LIN7A: variants seen among roughly 807,000 people sequenced by gnomAD.
LIN7A encodes the protein protein lin-7 homolog A.
In LIN7A, 25 loss-of-function variants were observed where a neutral mutation model predicts 29.8. The observed-to-expected ratio is 0.84, with a 90% CI of 0.61 to 1.17. The LOEUF (loss-of-function observed/expected upper bound fraction) is 1.17. Ranked by LOEUF, LIN7A falls within the 50% of genes most tolerant of loss-of-function variation. LIN7A has a pLI of 0.00. For synonymous variants in LIN7A, 118 were observed against 107.5 expected (o/e 1.10, Z -0.60); for missense variants, 239 against 287.0 (o/e 0.83, Z 1.21).
intron 2 of LIN7A, among the ~76,000 whole-genome samples, chr12:80,851,390 T>A (rs1308324083): frequency 6.6e-6 from 1 of 151,838 alleles, no homozygotes; most frequent in Non-Finnish European, 1.5e-5. Context: ...CACAATAGAT[T>A]CTGATTAGCT....
chr12:80,937,470 G>C, intron 1 of LIN7A, 171 bp downstream of exon 1: 1 of 421,232 alleles, frequency 2.4e-6, no homozygotes, highest in Admixed American at 4.4e-5. Flanking sequence ...GTAGCGGGGA[G>C]AGAAAGGGGA....
intron 1 of LIN7A, among the ~76,000 whole-genome samples, chr12:80,934,176 G>A (rs535649201): frequency 6.6e-6 from 1 of 152,120 alleles, no homozygotes; most frequent in Non-Finnish European, 1.5e-5. Flanking sequence ...GCCTCTGTGT[G>A]TATTTTAATC....
chr12:80,851,675 G>A (rs1014764399), intron 2 of LIN7A, among the ~76,000 whole-genome samples: 15 of 152,280 alleles, frequency 9.9e-5, no homozygotes, highest in African/African-American at 2.4e-4. Flanking sequence ...ATAGTTGTAT[G>A]TGCTTTAATG....
intron 5 of LIN7A, among the ~76,000 whole-genome samples, chr12:80,807,074 T>TTTTTTTTTTTTG (rs1871044520): frequency 2.1e-5 from 1 of 47,036 alleles, no homozygotes; most frequent in Non-Finnish European, 4.8e-5. Flanking sequence ...TTTTTTTTTT[T>TTTTTTTTTTTTG]TTTTTTTTTT....
rs1873351984 is a variant in LIN7A, at chr12:80,851,855, T to C, written c.202-3533A>G. On this transcript the variant is annotated intron_variant, in intron 2 of 5. Transcript: ENST00000552864. Reference sequence around the variant, plus strand: ...ATAGGGGTTTTATATATCTCAGCATTATTAATTTCCTAACCTTGAATAAAT... The same window carrying C: ...ATAGGGGTTTTATATATCTCAGCATCATTAATTTCCTAACCTTGAATAAAT... 5.3e-5 allele frequency among the ~76,000 whole-genome samples: 8 copies of C among 152,198 alleles called. No individual in the cohort carries two copies. In the South Asian group the frequency reaches 1.4e-3, roughly 28 times the overall value.
At chr12:80,847,973 A>T in intron 3 of LIN7A, 1 of 502,598 alleles carries the variant, frequency 2.0e-6, no homozygotes, top group Non-Finnish European at 3.7e-6. Flanking sequence ...ATCATATAGT[A>T]TTTCACACAA....
chr12:80,841,905 T>C (rs1245226191), intron 4 of LIN7A: 1 of 1,038,730 alleles, frequency 9.6e-7, no homozygotes, highest in Non-Finnish European at 1.2e-6. Context: ...ATGTTAAATT[T>C]TAATTCAGCA....
chr12:80,830,647 G>A (rs1290362360), intron 4 of LIN7A, among the ~76,000 whole-genome samples: 1 of 151,910 alleles, frequency 6.6e-6, no homozygotes, highest in African/African-American at 2.4e-5. Flanking sequence ...TTTTTAATTA[G>A]AAAAAAACTA....
intron 2 of LIN7A, among the ~76,000 whole-genome samples, chr12:80,873,263 C>T (rs1021948406): frequency 6.6e-6 from 1 of 152,160 alleles, no homozygotes; most frequent in Non-Finnish European, 1.5e-5. Flanking sequence ...AGCACAGTGG[C>T]TCACACCTGT....
rs898670282 is a variant in LIN7A, at chr12:80,842,157, G to C, written c.483+3573C>G. The C allele has an allele frequency of 3.1e-6, 4 of 1,273,632 alleles. No homozygotes were observed. In the African/African-American group the frequency reaches 6.1e-5, roughly 20 times the overall value. 78.9% of individuals were successfully genotyped at this position (1,273,632 alleles called of 1,614,324 possible). A position where few individuals can be genotyped will look rare whatever the true frequency, so the allele number is the denominator to read the frequency against. On this transcript the variant is annotated intron_variant, in intron 4 of 5. Transcript: ENST00000552864. ...GGAGGAAAAAATCAATTGTTCAATT[G>C]CTGTATTTTGTCTTTATTTTTATTT...
chr12:80,806,443 C>G (rs1263680636), intron 5 of LIN7A, among the ~76,000 whole-genome samples: 1 of 152,022 alleles, frequency 6.6e-6, no homozygotes, highest in Admixed American at 6.6e-5. Context: ...AGAAAATTTC[C>G]TGCACAGTAC....
At chr12:80,823,456 C>T (rs1370574503) in intron 4 of LIN7A, among the ~76,000 whole-genome samples, 3 of 152,230 alleles carry the variant, frequency 2.0e-5, no homozygotes, top group Non-Finnish European at 2.9e-5. Context: ...TTCTAGGGAG[C>T]CAGCCCCTGT....
chr12:80,840,066 T>TAA (rs909154887), intron 4 of LIN7A, among the ~76,000 whole-genome samples: 1 of 152,180 alleles, frequency 6.6e-6, no homozygotes, highest in African/African-American at 2.4e-5. Context: ...TTTATCTTTC[T>TAA]ATCCTTTTCT....
intron 1 of LIN7A, among the ~76,000 whole-genome samples, chr12:80,902,356 G>C (rs182740398): frequency 6.6e-6 from 1 of 150,878 alleles, no homozygotes; most frequent in East Asian, 2.0e-4. Flanking sequence ...GCTCTTTTTT[G>C]GTTCCATTTG....
intron 1 of LIN7A, among the ~76,000 whole-genome samples, chr12:80,910,596 G>A (rs920989213): frequency 6.6e-6 from 1 of 152,024 alleles, no homozygotes; most frequent in Non-Finnish European, 1.5e-5. Context: ...GAATAGATAT[G>A]GAATTATTCA....
In LIN7A at chr12:80,848,317, A is replaced by G; in HGVS notation, c.207T>C (p.Tyr69=). The change falls in exon 3 of 6, where the codon TAT becomes TAC. Residue 69 remains tyrosine (Y), a synonymous_variant. Transcript: ENST00000552864. ...SEFCTAIREV[Y]QYMHETITVN... ...CAGTTATCGTTTCATGCATATATTG[A>G]TACACCTAAAATGTTCACATAAAAA... 6.2e-7 allele frequency: 1 copy of G among 1,605,614 alleles called. No homozygotes were observed. The highest frequency in any genetic ancestry group is 1.1e-5 in the South Asian group (1 of 90,914).
rs767870152 is a variant in LIN7A at position 80,794,596 on chromosome 12, G to A, written c.*3131C>T. 25 of 152,090 alleles carry A rather than the reference G, an allele frequency of 1.6e-4. No individual in the cohort carries two copies. Among genetic ancestry groups the A allele is most frequent in the Non-Finnish European group, 3.2e-4 (22 of 68,008 alleles). 9.4% of individuals were successfully genotyped at this position (152,090 alleles called of 1,614,324 possible). ...GATGTCACAGTTGAAAACTGCATTT[G>A]TAAATCTGTGTAATCCATCTCGAGC... On this transcript the variant is annotated 3_prime_UTR_variant, in exon 6 of 6. Transcript: ENST00000552864.
chr12:80,902,717 C>A (rs776198981), intron 1 of LIN7A, among the ~76,000 whole-genome samples: 25 of 151,974 alleles, frequency 1.6e-4, no homozygotes, highest in Non-Finnish European at 3.4e-4. Flanking sequence ...ACTTTGTATC[C>A]TGAAACTTTA....
intron 2 of LIN7A, among the ~76,000 whole-genome samples, chr12:80,874,018 G>A (rs1004881633): frequency 1.3e-5 from 2 of 152,146 alleles, no homozygotes; most frequent in Non-Finnish European, 2.9e-5. Flanking sequence ...ACTTTAGGCA[G>A]TAGGATACGT....
Sources: gnomAD v4.1 joint callset for allele counts (sites outside exome capture counted in the v4.1 genomes callset) on GRCh38, gnomAD v4.1.1 for gene constraint, MANE v1.5 for transcripts, NCBI Gene and HGNC (gene_info 2026-07-23, HGNC 2026-07-21) for gene names.